TCF4: variants seen among roughly 807,000 people sequenced by gnomAD.
TCF4 encodes transcription factor 4, also known as SL3-3 enhancer factor 2.
TCF4 carries 3 observed loss-of-function variants against 82.1 expected under a neutral mutation model. The observed-to-expected ratio is 0.04, with a 90% CI of 0.02 to 0.09. TCF4 has a LOEUF of 0.09. TCF4 is among the 10% of genes least tolerant of loss of function. TCF4 has a pLI of 1.00. For synonymous variants in TCF4, 276 were observed against 309.6 expected, an observed-to-expected ratio of 0.89 and a Z score of 1.14; for missense variants, 518 against 852.7, an observed-to-expected ratio of 0.61 and a Z score of 4.89.
intron 3 of TCF4, among the ~76,000 whole-genome samples, chr18:55,472,826 G>A (rs1329580061): frequency 2.6e-5 from 4 of 152,068 alleles, no homozygotes; most frequent in African/African-American, 9.7e-5. Context: ...ATATTGCAAG[G>A]AAGTTTTTAA....
At chr18:55,435,801 T>G (rs1305335447) in intron 5 of TCF4, among the ~76,000 whole-genome samples, 2 of 152,218 alleles carry the variant, frequency 1.3e-5, no homozygotes, top group Non-Finnish European at 2.9e-5. Flanking sequence ...TCAACTACCC[T>G]GAGTTTCTCT....
intron 6 of TCF4, among the ~76,000 whole-genome samples, chr18:55,398,284 C>T (rs1218104018): frequency 6.6e-6 from 1 of 152,146 alleles, no homozygotes; most frequent in East Asian, 1.9e-4. Flanking sequence ...GACACAGCTG[C>T]GATGACATAT....
intron 2 of TCF4, among the ~76,000 whole-genome samples, chr18:55,621,259 G>C (rs796771461): frequency 1.3e-5 from 2 of 150,620 alleles, no homozygotes; most frequent in Admixed American, 6.7e-5. Context: ...AAATGAAATA[G>C]TATCTGCAGT....
intron 3 of TCF4, among the ~76,000 whole-genome samples, chr18:55,509,484 A>T (rs553499166): frequency 1.4e-4 from 21 of 152,274 alleles, no homozygotes; most frequent in African/African-American, 5.1e-4. Flanking sequence ...ACAGTACAGC[A>T]TGTAGAGGCA....
At chr18:55,621,783 A>G (rs1437853156) in intron 2 of TCF4, among the ~76,000 whole-genome samples, 4 of 89,060 alleles carry the variant, frequency 4.5e-5, no homozygotes, top group Non-Finnish European at 7.7e-5. Flanking sequence ...ATAATATAAT[A>G]TATATTATAT....
intron 3 of TCF4, among the ~76,000 whole-genome samples, chr18:55,504,696 T>C (rs2096734919): frequency 6.6e-6 from 1 of 152,220 alleles, no homozygotes; most frequent in Non-Finnish European, 1.5e-5. Context: ...CGCTCATGCA[T>C]ATTCGCTGCC....
chr18:55,596,945 G>A (rs148519382), intron 2 of TCF4, among the ~76,000 whole-genome samples: 2 of 152,264 alleles, frequency 1.3e-5, no homozygotes, highest in East Asian at 3.9e-4. Flanking sequence ...GGGGCCTGAT[G>A]GGAGGTGATT....
intron 3 of TCF4, among the ~76,000 whole-genome samples, chr18:55,501,046 A>C (rs544040635): frequency 6.6e-6 from 1 of 152,314 alleles, no homozygotes; most frequent in African/African-American, 2.4e-5. Context: ...AATGGGTGAA[A>C]GGTCTAGTTA....
chr18:55,635,768 G>A lies in TCF4; in HGVS notation c.130C>T (p.Gln44Ter). 6.4e-7 allele frequency: 1 copy of A among 1,550,744 alleles called. No individual in the cohort carries two copies. Among genetic ancestry groups the A allele is most frequent in the Non-Finnish European group, 8.7e-7 (1 of 1,147,050 alleles). ...ACCCAAGTGCATGTTACAATGTCCT[G>A]AGAAGTTTTAAAAAATGATGGCTGG... The change falls in exon 1 of 21, where the codon CAG becomes TAG. Residue 44 changes from glutamine (Q) to a stop codon, truncating the protein, a stop_gained. Coordinates refer to the TCF4 transcript ENST00000398339. LOFTEE classifies it high-confidence loss of function.
intron 3 of TCF4, among the ~76,000 whole-genome samples, chr18:55,561,259 A>G (rs1411560090): frequency 6.6e-6 from 1 of 152,180 alleles, no homozygotes; most frequent in Non-Finnish European, 1.5e-5. Context: ...CTATACATAC[A>G]TGCTTCTAAT....
chr18:55,278,304 T>C (rs1023659309), intron 9 of TCF4, among the ~76,000 whole-genome samples: 7 of 152,154 alleles, frequency 4.6e-5, no homozygotes, highest in Non-Finnish European at 8.8e-5. Context: ...CCATGGCCCG[T>C]AGACAAGGCT....
At chr18:55,303,232 C>CACACACACACACACACACACACACCCCT (rs2068913737) in intron 8 of TCF4, among the ~76,000 whole-genome samples, 1 of 142,166 alleles carries the variant, frequency 7.0e-6, no homozygotes, top group Non-Finnish European at 1.5e-5. Flanking sequence ...TACGTACACA[C>CACACACACACACACACACACACACCCCT]ACACACACAC....
At chr18:55,448,596 A>C (rs910585166) in intron 5 of TCF4, among the ~76,000 whole-genome samples, 12 of 152,244 alleles carry the variant, frequency 7.9e-5, no homozygotes, top group Non-Finnish European at 1.8e-4. Flanking sequence ...CTTGAGGAAC[A>C]CAGGTGACTT....
intron 15 of TCF4, among the ~76,000 whole-genome samples, chr18:55,246,900 G>C (rs1168243857): frequency 6.6e-6 from 1 of 152,172 alleles, no homozygotes; most frequent in Admixed American, 6.5e-5. Flanking sequence ...AGATGATGTT[G>C]ACCACCAATA....
upstream of TCF4, chr18:55,588,588 T>G (rs1408204205): frequency 6.6e-7 from 1 of 1,519,862 alleles, no homozygotes; most frequent in African/African-American, 1.4e-5. Flanking sequence ...CACTTCTTTC[T>G]TTCTCTTACT....
chr18:55,450,369 C>T (rs2095600799), intron 5 of TCF4, among the ~76,000 whole-genome samples: 1 of 152,118 alleles, frequency 6.6e-6, no homozygotes, highest in Non-Finnish European at 1.5e-5. Context: ...GATTAATAAG[C>T]AATCATCAAG....
At chr18:55,316,464 A>T (rs1040441571) in intron 8 of TCF4, among the ~76,000 whole-genome samples, 1 of 152,100 alleles carries the variant, frequency 6.6e-6, no homozygotes, top group Non-Finnish European at 1.5e-5. Context: ...AGAAGTTTCA[A>T]GTAGGCTTGG....
At chr18:55,256,756 T>G (rs1007756477) in intron 14 of TCF4, among the ~76,000 whole-genome samples, 4 of 152,122 alleles carry the variant, frequency 2.6e-5, no homozygotes, top group Admixed American at 1.3e-4. Flanking sequence ...CCCACCATCA[T>G]GAGGAGAGAA....
chr18:55,272,540 G>A (rs892757981), intron 10 of TCF4, among the ~76,000 whole-genome samples: 1 of 152,064 alleles, frequency 6.6e-6, no homozygotes, highest in Non-Finnish European at 1.5e-5. Context: ...TATTAACAGA[G>A]TAATTGTTGG....
Sources: allele counts gnomAD v4.1 joint callset (sites outside exome capture counted in the v4.1 genomes callset), GRCh38; gene constraint gnomAD v4.1.1; transcripts MANE v1.5; gene names NCBI Gene and HGNC (gene_info 2026-07-23, HGNC 2026-07-21).